COPS7B: variants seen among roughly 807,000 people sequenced by gnomAD.
The protein encoded by COPS7B is COP9 signalosome complex subunit 7b.
Under a neutral mutation model 33.4 loss-of-function variants are expected in COPS7B, and 9 were observed. The observed-to-expected ratio is 0.27, with a 90% CI of 0.16 to 0.47. The LOEUF is 0.47. Among genes scored for constraint, COPS7B ranks in the 20% least tolerant of loss-of-function variants. The pLI is 0.99. For missense variants in COPS7B, 242 were observed against 318.2 expected (o/e 0.76, Z 1.82); for synonymous variants, 119 against 126.3 (o/e 0.94, Z 0.39).
rs1424111440 is a variant in COPS7B at position 231,796,195 on chromosome 2, C to T, written c.417C>T (p.Asp139=). 6.2e-7 allele frequency: 1 copy of T among 1,614,152 alleles called. No individual in the cohort carries two copies. The highest frequency in any genetic ancestry group is 8.5e-7 in the Non-Finnish European group (1 of 1,179,996). The change falls in exon 5 of 7, where the codon GAC becomes GAT. Residue 139 remains aspartate, a synonymous_variant. Coordinates refer to ENST00000350033, the MANE Select transcript of COPS7B (RefSeq NM_022730.4). ...EDLIIEAVYT[D]IIQGKLDQRN... ...TTATCATTGAGGCTGTCTACACTGA[C>T]ATCATCCAGGGCAAGCTGGACCAGC...
At chr2:231,805,427 A>AT (rs1285359163) in intron 6 of COPS7B, among the ~76,000 whole-genome samples, 23 of 124,968 alleles carry the variant, frequency 1.8e-4, no homozygotes, top group African/African-American at 7.6e-4. Flanking sequence ...ATATATATAT[A>AT]TATATTTTTT....
At chr2:231,786,395 C>A, upstream of COPS7B, 4 of 964,386 alleles carry the variant, frequency 4.1e-6, no homozygotes, top group Non-Finnish European at 4.9e-6. Flanking sequence ...CGGTGGGAGG[C>A]TTCCGGGGGA....
At chr2:231,785,101 G>A (rs1041442558), upstream of COPS7B, among the ~76,000 whole-genome samples, 2 of 152,186 alleles carry the variant, frequency 1.3e-5, no homozygotes, top group South Asian at 2.1e-4. Context: ...GTGAGCCACC[G>A]CGCCCGGCAA....
intron 5 of COPS7B, 137 bp downstream of exon 5, chr2:231,796,445 A>G (rs1338413493): frequency 2.2e-5 from 15 of 683,382 alleles, no homozygotes; most frequent in Admixed American, 9.9e-5. Flanking sequence ...TGAGCCGGAG[A>G]GTGGAGCTAC....
Position 231,788,568 on chromosome 2 carries a change from A to G in COPS7B, c.-3A>G. The G allele has an allele frequency of 6.2e-7, 1 of 1,612,860 alleles. No homozygotes were observed. Among genetic ancestry groups the G allele is most frequent in the Non-Finnish European group, 8.5e-7 (1 of 1,179,828 alleles). Reference sequence around the variant, plus strand: ...TCTTTTGGACAGATTTCAAGGCCAGAGAATGGCAGGGGAACAGAAACCCTC... The same window carrying G: ...TCTTTTGGACAGATTTCAAGGCCAGGGAATGGCAGGGGAACAGAAACCCTC... On this transcript the variant is annotated 5_prime_UTR_variant, in exon 2 of 7. Transcript: ENST00000350033.
chr2:231,791,584 G>T (rs2049417449), intron 2 of COPS7B, 149 bp from the exon 3 acceptor site: 4 of 622,300 alleles, frequency 6.4e-6, no homozygotes, highest in Non-Finnish European at 1.1e-5. Flanking sequence ...AAGAACCAGA[G>T]TTGGTAGAGA....
intron 5 of COPS7B, among the ~76,000 whole-genome samples, chr2:231,798,254 C>CTTTTTCTTTTTTTT (rs1246476492): frequency 8.6e-6 from 1 of 116,752 alleles, no homozygotes; most frequent in African/African-American, 3.3e-5. Context: ...ATTCTACCTT[C>CTTTTTCTTTTTTTT]TTTTTTTTTT....
chr2:231,807,786 C>T lies in COPS7B; in HGVS notation c.*141C>T, dbSNP rs574432440. 18 of 725,860 alleles carry T rather than the reference C, an allele frequency of 2.5e-5. No individual in the cohort carries two copies. In the South Asian group the frequency reaches 3.6e-4, roughly 14 times the overall value. 45.0% of individuals were successfully genotyped at this position (725,860 alleles called of 1,614,324 possible). ...CCAGCGCCTCCCCACCCTGTTGGTA[C>T]TGTTCCAGAAAAACTGTTACTCCCC... is the stretch of plus-strand genomic sequence containing the variant. On this transcript the variant is annotated 3_prime_UTR_variant, in exon 7 of 7. Coordinates refer to ENST00000350033, the MANE Select transcript of COPS7B (RefSeq NM_022730.4).
chr2:231,801,559 G>A (rs1284204186), intron 6 of COPS7B, among the ~76,000 whole-genome samples: 2 of 151,674 alleles, frequency 1.3e-5, no homozygotes, highest in African/African-American at 2.4e-5. Flanking sequence ...TTTCCACCTC[G>A]GCCTCCCAAG....
chr2:231,801,033 C>A, intron 6 of COPS7B: 1 of 862,174 alleles, frequency 1.2e-6, no homozygotes, highest in Non-Finnish European at 1.9e-6. Flanking sequence ...CAGGGTGATT[C>A]TGTCGTATTC....
intron 6 of COPS7B, among the ~76,000 whole-genome samples, chr2:231,806,912 A>G (rs1008618932): frequency 1.3e-5 from 2 of 152,216 alleles, no homozygotes; most frequent in African/African-American, 4.8e-5. Flanking sequence ...GTCACAGAGG[A>G]TATCTGTTCT....
intron 2 of COPS7B, 129 bp from the exon 3 acceptor site, chr2:231,791,604 C>T: frequency 1.4e-6 from 1 of 703,194 alleles, no homozygotes; most frequent in Non-Finnish European, 2.4e-6. Context: ...ACCCCAGGGG[C>T]CAAGTAATCA....
In COPS7B at chr2:231,796,328, G is replaced by A. The variant is rs1174997067; in HGVS notation, c.530+20G>A. ...TGAATGGTGAGGCTAAAAGGAGGAG[G>A]GGGATATCTAGCATGTCTTTTGTGC... On this transcript the variant is annotated intron_variant, in intron 5 of 6. Transcript: ENST00000350033. 27 of 1,607,336 alleles carry A rather than the reference G, an allele frequency of 1.7e-5. No homozygotes were observed. The highest frequency in any genetic ancestry group is 3.7e-4 in the Middle Eastern group (2 of 5,420).
chr2:231,786,441 C>T, upstream of COPS7B: 1 of 985,930 alleles, frequency 1.0e-6, no homozygotes. Flanking sequence ...GACAGAAAAG[C>T]GCCGGACGCC....
chr2:231,803,088 G>A (rs757499469), intron 6 of COPS7B, among the ~76,000 whole-genome samples: 2 of 152,216 alleles, frequency 1.3e-5, no homozygotes, highest in African/African-American at 2.4e-5. Flanking sequence ...TCTTATTGGA[G>A]GAGTGAGGTG....
chr2:231,803,920 T>C (rs1399836037), intron 6 of COPS7B, among the ~76,000 whole-genome samples: 1 of 152,154 alleles, frequency 6.6e-6, no homozygotes, highest in Non-Finnish European at 1.5e-5. Flanking sequence ...AGCGGAGCGT[T>C]GCCGTTGGTG....
chr2:231,788,753 A>T, intron 2 of COPS7B, 21 bp downstream of exon 2: 1 of 1,600,904 alleles, frequency 6.2e-7, no homozygotes, highest in Non-Finnish European at 8.5e-7. Flanking sequence ...TTTGCAAACA[A>T]TTTCTCTTTA....
chr2:231,789,666 G>A (rs1454982330), intron 2 of COPS7B: 1 of 152,432 alleles, frequency 6.6e-6, no homozygotes, highest in Non-Finnish European at 1.5e-5. Flanking sequence ...ATAGGAGGTG[G>A]TTTGCTTTTG....
Position 231,803,913 on chromosome 2 carries a change from G to GCT in COPS7B, c.637-3574_637-3573insCT, listed in dbSNP as rs1240220915. Among the ~76,000 whole-genome samples the GCT allele has an allele frequency of 2.0e-5, 3 of 152,162 alleles. No homozygotes were observed. In the East Asian group the frequency reaches 5.8e-4, roughly 29 times the overall value. On this transcript the variant is annotated intron_variant, in intron 6 of 6. Transcript: ENST00000350033. ...GGTCAGTTGCTGAGAGGCTGGCAGC[G>GCT]GAGCGTTGCCGTTGGTGGATGTGCC...
Sources: gnomAD v4.1 joint callset for allele counts (sites outside exome capture counted in the v4.1 genomes callset) on GRCh38, gnomAD v4.1.1 for gene constraint, MANE v1.5 for transcripts, NCBI Gene and HGNC (gene_info 2026-07-23, HGNC 2026-07-21) for gene names.